HBP1: variants seen among roughly 807,000 people sequenced by gnomAD.
HBP1 encodes the protein HMG box-containing protein 1.
A neutral mutation model predicts 62.6 loss-of-function variants in HBP1; 20 were observed. The observed-to-expected ratio is 0.32, with a 90% CI of 0.22 to 0.46. HBP1 has a LOEUF of 0.46. Among genes scored for constraint, HBP1 ranks in the 20% least tolerant of loss-of-function variants. The probability of loss-of-function intolerance (pLI) is 1.00; values close to 1 mark genes in which losing one functional copy is unlikely to be tolerated. For synonymous variants in HBP1, 232 were observed against 206.2 expected (o/e 1.12, Z -1.07); for missense variants, 480 against 611.8 (o/e 0.78, Z 2.27).
chr7:107,198,402 G>A (rs558949945), intron 9 of HBP1, among the ~76,000 whole-genome samples: 1 of 152,084 alleles, frequency 6.6e-6, no homozygotes, highest in Middle Eastern at 3.4e-3. Flanking sequence ...TAGAGATGGG[G>A]TTTCACCTTG....
At chr7:107,178,298 ACTG>A (rs1184913030) in intron 1 of HBP1, among the ~76,000 whole-genome samples, 3 of 152,224 alleles carry the variant, frequency 2.0e-5, no homozygotes, top group African/African-American at 7.2e-5. Flanking sequence ...GGCATGAGCT[ACTG>A]CATCAGGCTA....
intron 2 of HBP1, among the ~76,000 whole-genome samples, chr7:107,181,112 T>C (rs1259848626): frequency 2.0e-5 from 3 of 152,204 alleles, no homozygotes; most frequent in South Asian, 2.1e-4. Context: ...GTTCTAGAAC[T>C]CCTTGGCTCC....
chr7:107,174,426 T>C (rs1796741422), intron 1 of HBP1: 1 of 969,852 alleles, frequency 1.0e-6, no homozygotes. Flanking sequence ...TAAAATAATG[T>C]CTTTTTCCAA....
chr7:107,200,464 C>G (rs1339638807), intron 10 of HBP1, 163 bp downstream of exon 10: 2 of 463,586 alleles, frequency 4.3e-6, no homozygotes, highest in Non-Finnish European at 7.4e-6. Flanking sequence ...CATATAAAGA[C>G]TGCCTTTCCT....
At chr7:107,169,793 G>A in intron 1 of HBP1, 1 of 985,192 alleles carries the variant, frequency 1.0e-6, no homozygotes, top group Non-Finnish European at 1.2e-6. Context: ...CCGGAGTCCG[G>A]GCTGCGGTCA....
At chr7:107,169,760 C>T in intron 1 of HBP1, 2 of 984,340 alleles carry the variant, frequency 2.0e-6, no homozygotes. Flanking sequence ...CGCGCTGGGG[C>T]TGAGCCGAGG....
chr7:107,180,041 T>A lies in HBP1; in HGVS notation c.148T>A (p.Cys50Ser). The A allele has an allele frequency of 6.3e-7, 1 of 1,583,040 alleles. No homozygotes were observed. Among genetic ancestry groups the A allele is most frequent in the South Asian group, 1.1e-5 (1 of 89,236 alleles). ...GCCATCTTCACCTGGATATAACTCC[T>A]GTGATGAACACATGGAGCTTGGTAA... Reference protein sequence around the residue: ...NLPSSPGYNSCDEHMELDDLP... With the variant: ...NLPSSPGYNSSDEHMELDDLP... The change falls in exon 2 of 11, where the codon TGT (cysteine) becomes AGT (serine). Residue 50 changes from cysteine (C) to serine (S), a missense_variant. Physicochemically the swap from Cys to Ser is moderately radical, Grantham distance 112. This residue lies in a region of HBP1 where 304 missense variants were observed against 330.9 expected (regional missense o/e 0.92). Transcript: ENST00000222574.
chr7:107,186,749 A>G, intron 6 of HBP1, 68 bp downstream of exon 6: 1 of 872,766 alleles, frequency 1.1e-6, no homozygotes, highest in Non-Finnish European at 1.9e-6. Context: ...TTGTTAATCT[A>G]CAGAAATATC....
intron 1 of HBP1, chr7:107,174,866 C>A: frequency 4.8e-6 from 1 of 206,664 alleles, no homozygotes; most frequent in Non-Finnish European, 8.5e-6. Flanking sequence ...AAATTATATT[C>A]TGTATACTTA....
At chr7:107,185,351 T>C (rs1193257693) in intron 3 of HBP1, among the ~76,000 whole-genome samples, 1 of 152,138 alleles carries the variant, frequency 6.6e-6, no homozygotes, top group Non-Finnish European at 1.5e-5. Flanking sequence ...ATCTGCCCAG[T>C]GATATGTGGT....
At chr7:107,183,404 C>T (rs980334876) in intron 3 of HBP1, among the ~76,000 whole-genome samples, 3 of 152,122 alleles carry the variant, frequency 2.0e-5, no homozygotes, top group African/African-American at 7.2e-5. Flanking sequence ...TCTCACTTTT[C>T]TTGTAACCCA....
chr7:107,190,736 T>C (rs1451617081), intron 8 of HBP1, among the ~76,000 whole-genome samples: 1 of 152,234 alleles, frequency 6.6e-6, no homozygotes, highest in Non-Finnish European at 1.5e-5. Flanking sequence ...CTTTGTTTCA[T>C]ACTCATTTTG....
intron 3 of HBP1, 123 bp from the exon 4 acceptor site, chr7:107,185,675 CTAG>C: frequency 1.6e-6 from 1 of 623,546 alleles, no homozygotes; most frequent in Middle Eastern, 2.8e-4. Context: ...GCTGTCTTTA[CTAG>C]TGTTTACCAT....
At chr7:107,171,966 A>G (rs2115768048) in intron 1 of HBP1, among the ~76,000 whole-genome samples, 1 of 152,282 alleles carries the variant, frequency 6.6e-6, no homozygotes, top group Non-Finnish European at 1.5e-5. Context: ...AATTAAAAAA[A>G]AATTAAAGCT....
intron 2 of HBP1, among the ~76,000 whole-genome samples, chr7:107,181,969 T>C (rs973946985): frequency 2.6e-5 from 4 of 152,190 alleles, no homozygotes; most frequent in Non-Finnish European, 5.9e-5. Context: ...AGAAATACTT[T>C]AACACAGAGT....
At chr7:107,176,807 G>A (rs1219325172) in intron 1 of HBP1, among the ~76,000 whole-genome samples, 1 of 151,822 alleles carries the variant, frequency 6.6e-6, no homozygotes, top group Non-Finnish European at 1.5e-5. Context: ...TAGTTCTGTG[G>A]GGGAAATTGT....
chr7:107,172,645 A>G (rs986087015), intron 1 of HBP1, among the ~76,000 whole-genome samples: 1 of 152,220 alleles, frequency 6.6e-6, no homozygotes, highest in Non-Finnish European at 1.5e-5. Flanking sequence ...TGAGCATGAA[A>G]TTACTAAGAA....
chr7:107,195,647 A>G (rs552622088), intron 8 of HBP1, among the ~76,000 whole-genome samples, 187 bp from the exon 9 acceptor site: 28 of 152,180 alleles, frequency 1.8e-4, no homozygotes, highest in Non-Finnish European at 2.4e-4. Context: ...CAGTTAGCAC[A>G]TATACAGATT....
In HBP1 at chr7:107,185,809, C is replaced by CT; in HGVS notation, c.408dup (p.Val137CysfsTer7). The CT allele has an allele frequency of 6.2e-7, 1 of 1,613,466 alleles. No individual in the cohort carries two copies. The highest frequency in any genetic ancestry group is 1.1e-5 in the South Asian group (1 of 91,052). On this transcript the variant is annotated frameshift_variant, in exon 4 of 11. Transcript: ENST00000222574. LOFTEE classifies it high-confidence loss of function. ...CTGTTGCTTTATTTTAGATCATCTCCTGTACACATCATAGCCACTAGCAAA... is the reference window on the plus strand; with the variant it reads ...CTGTTGCTTTATTTTAGATCATCTCCTTGTACACATCATAGCCACTAGCAAA...
Sources: allele counts gnomAD v4.1 joint callset (sites outside exome capture counted in the v4.1 genomes callset), GRCh38; gene constraint gnomAD v4.1.1; regional missense constraint gnomAD v4.1.1; transcripts MANE v1.5; gene names NCBI Gene and HGNC (gene_info 2026-07-23, HGNC 2026-07-21).